KHDRBS2: variants seen among roughly 807,000 people sequenced by gnomAD.
KHDRBS2 encodes the protein KH RNA binding domain containing, signal transduction associated 2.
KHDRBS2 carries 26 observed loss-of-function variants against 44.3 expected under a neutral mutation model. That is an observed-to-expected ratio of 0.59 (90% CI 0.43 to 0.81). The LOEUF is 0.81. Among genes scored for constraint, KHDRBS2 ranks in the 40% least tolerant of loss-of-function variants. KHDRBS2 has a pLI of 0.00. For synonymous variants in KHDRBS2, 194 were observed against 151.1 expected (o/e 1.28, Z -2.08); for missense variants, 476 against 433.1 (o/e 1.10, Z -0.88).
chr6:61,669,571 T>C, the KHDRBS2 span, among the ~76,000 whole-genome samples: 1 of 150,934 alleles, frequency 6.6e-6, no homozygotes, highest in Non-Finnish European at 1.5e-5. Context: ...ATAGACTTAA[T>C]TTTTATTTAC....
intron 6 of KHDRBS2, among the ~76,000 whole-genome samples, chr6:61,853,204 G>A (rs1183813274): frequency 6.6e-6 from 1 of 152,122 alleles, no homozygotes; most frequent in African/African-American, 2.4e-5. Context: ...TGGGCATTAT[G>A]TGTTTCAGTG....
the KHDRBS2 span, among the ~76,000 whole-genome samples, chr6:61,651,937 G>T: frequency 1.3e-5 from 2 of 152,080 alleles, no homozygotes; most frequent in African/African-American, 4.8e-5. Flanking sequence ...AATATTCATA[G>T]ATTTCATTTG....
intron 6 of KHDRBS2, among the ~76,000 whole-genome samples, chr6:61,751,481 G>A (rs1448637664): frequency 2.0e-5 from 3 of 152,128 alleles, no homozygotes; most frequent in Admixed American, 6.6e-5. Context: ...AACATAAGAA[G>A]AATGTGCCGA....
At chr6:61,881,800 C>T (rs567737692) in intron 6 of KHDRBS2, among the ~76,000 whole-genome samples, 146 of 152,086 alleles carry the variant, frequency 9.6e-4, no homozygotes, top group African/African-American at 3.3e-3. Context: ...CAAATTGAAT[C>T]GGAGGTCTGA....
Position 61,680,304 on chromosome 6 carries a change from C to T in KHDRBS2, c.*659G>A, listed in dbSNP as rs1460494764. 2.0e-5 allele frequency: 3 copies of T among 151,742 alleles called. No homozygotes were observed. Among genetic ancestry groups the T allele is most frequent in the Non-Finnish European group, 4.4e-5 (3 of 67,772 alleles). 9.4% of individuals were successfully genotyped at this position (151,742 alleles called of 1,614,324 possible). A position where few individuals can be genotyped will look rare whatever the true frequency, so the allele number is the denominator to read the frequency against. On this transcript the variant is annotated 3_prime_UTR_variant, in exon 9 of 9. Coordinates refer to ENST00000281156, the MANE Select transcript of KHDRBS2 (RefSeq NM_152688.4). The stretch of plus-strand genomic sequence containing the variant: ...AACATATTTGACAAATTGTGGTTTC[C>T]TATTTAGAGAAGCTTACACATGGAA...
intron 2 of KHDRBS2, among the ~76,000 whole-genome samples, chr6:62,170,952 C>CAAAAAA (rs34963723): frequency 7.7e-6 from 1 of 129,822 alleles, no homozygotes; most frequent in Non-Finnish European, 1.6e-5. Context: ...AAGATAAACG[C>CAAAAAA]AAAAAAAAAA....
At chr6:62,212,109 C>A (rs529643775) in intron 1 of KHDRBS2, among the ~76,000 whole-genome samples, 16 of 152,182 alleles carry the variant, frequency 1.1e-4, no homozygotes, top group African/African-American at 3.1e-4. Flanking sequence ...ATGGTGAGAA[C>A]AAATAACTCT....
chr6:61,660,718 T>C, the KHDRBS2 span, among the ~76,000 whole-genome samples: 1 of 151,810 alleles, frequency 6.6e-6, no homozygotes, highest in Admixed American at 6.6e-5. Flanking sequence ...TCCCATTTCA[T>C]TCTACAAAGA....
chr6:62,265,429 T>A (rs1385518903), intron 1 of KHDRBS2, among the ~76,000 whole-genome samples: 2 of 151,970 alleles, frequency 1.3e-5, no homozygotes, highest in Non-Finnish European at 2.9e-5. Flanking sequence ...TCTGTGTATG[T>A]GTATGTGTAT....
chr6:61,689,307 C>T (rs1408863181), intron 8 of KHDRBS2, among the ~76,000 whole-genome samples: 2 of 151,908 alleles, frequency 1.3e-5, no homozygotes, highest in African/African-American at 2.4e-5. Flanking sequence ...ATAAGTATAG[C>T]ACTTTCCTTT....
chr6:61,717,916 G>A (rs1771716414), intron 7 of KHDRBS2, among the ~76,000 whole-genome samples: 2 of 151,976 alleles, frequency 1.3e-5, no homozygotes, highest in Admixed American at 1.3e-4. Context: ...TAGGTTTTCA[G>A]GTAGTAGTAT....
At chr6:61,686,584 C>T (rs1284566686) in intron 8 of KHDRBS2, among the ~76,000 whole-genome samples, 2 of 151,820 alleles carry the variant, frequency 1.3e-5, no homozygotes, top group East Asian at 1.9e-4. Flanking sequence ...AACTCTATCA[C>T]AACTTTGAAG....
intron 2 of KHDRBS2, among the ~76,000 whole-genome samples, chr6:62,121,530 G>C (rs992541723): frequency 6.6e-6 from 1 of 152,188 alleles, no homozygotes; most frequent in Admixed American, 6.5e-5. Flanking sequence ...CTGGTACCTA[G>C]CATGCAGCCA....
At chr6:62,191,667 A>T (rs1253703089) in intron 1 of KHDRBS2, among the ~76,000 whole-genome samples, 1 of 152,084 alleles carries the variant, frequency 6.6e-6, no homozygotes, top group Non-Finnish European at 1.5e-5. Context: ...TTTCTAGAAG[A>T]ATATCACTTG....
Position 62,027,012 on chromosome 6 carries a change from C to CT in KHDRBS2, c.336+20865dup, listed in dbSNP as rs112885444. Among the ~76,000 whole-genome samples, 445 of 143,774 alleles carry CT rather than the reference C, an allele frequency of 3.1e-3. 1 individual carries two copies. The highest frequency in any genetic ancestry group is 7.7e-3 in the African/African-American group (306 of 39,694). The allele number at this position is 143,774 out of a possible 152,430, so 94.3% of individuals were successfully genotyped here. A position where few individuals can be genotyped will look rare whatever the true frequency, so the allele number is the denominator to read the frequency against. ...AATTATGGTTTTTAATTCTTATTTC[C>CT]TTTTTTTTTTTCATTTCGAGAACTC... On this transcript the variant is annotated intron_variant, in intron 3 of 8. Coordinates refer to ENST00000281156, the MANE Select transcript of KHDRBS2 (RefSeq NM_152688.4).
chr6:61,754,351 C>A lies in KHDRBS2; in HGVS notation c.811-21587G>T, dbSNP rs187655686. The stretch of plus-strand genomic sequence containing the variant: ...AGAACATTACAGGATTGAGAGCTCA[C>A]CAATCTTCAGTCGTATGTGTGCTGT... On this transcript the variant is annotated intron_variant, in intron 6 of 8. Transcript: ENST00000281156. Among the ~76,000 whole-genome samples the A allele has an allele frequency of 5.9e-5, 9 of 152,194 alleles. No homozygotes were observed. The East Asian group carries it at 1.7e-3, about 30-fold the overall frequency.
At chr6:61,971,299 T>A (rs1056214826) in intron 4 of KHDRBS2, among the ~76,000 whole-genome samples, 4 of 152,120 alleles carry the variant, frequency 2.6e-5, no homozygotes, top group African/African-American at 9.7e-5. Context: ...TCTCTGAAGT[T>A]TCCTGGCTAT....
chr6:61,930,429 A>C (rs1809788559), intron 4 of KHDRBS2, among the ~76,000 whole-genome samples: 1 of 150,566 alleles, frequency 6.6e-6, no homozygotes, highest in South Asian at 2.1e-4. Context: ...TCTTATATGA[A>C]ATGCTCAAGG....
intron 2 of KHDRBS2, among the ~76,000 whole-genome samples, chr6:62,157,102 T>A (rs1816608614): frequency 6.6e-6 from 1 of 150,654 alleles, no homozygotes; most frequent in South Asian, 2.1e-4. Context: ...ATACCTGTAA[T>A]CCCGACACTT....
Sources: gnomAD v4.1 joint callset for allele counts (sites outside exome capture counted in the v4.1 genomes callset) on GRCh38, gnomAD v4.1.1 for gene constraint, MANE v1.5 for transcripts, NCBI Gene and HGNC (gene_info 2026-07-23, HGNC 2026-07-21) for gene names.